TRPM3: variants seen among roughly 807,000 people sequenced by gnomAD.
The protein encoded by TRPM3 is transient receptor potential cation channel subfamily M member 3.
TRPM3 carries 77 observed loss-of-function variants against 181.2 expected under a neutral mutation model. That is an observed-to-expected ratio of 0.42 (90% CI 0.35 to 0.51). The LOEUF (loss-of-function observed/expected upper bound fraction) is 0.51, where lower values mean the gene tolerates loss of function less well. TRPM3 is among the 20% of genes least tolerant of loss of function. The pLI, the probability that TRPM3 is intolerant of heterozygous loss-of-function variation, is 0.01. For synonymous variants in TRPM3, 745 were observed against 796.4 expected (o/e 0.94, Z 1.09); for missense variants, 1,759 against 2,196.7 (o/e 0.80, Z 3.98).
chr9:71,069,445 G>A (rs896303726), intron 1 of TRPM3, among the ~76,000 whole-genome samples: 1 of 152,102 alleles, frequency 6.6e-6, no homozygotes, highest in Admixed American at 6.5e-5. Context: ...CCAAAGTGCT[G>A]GGATTACAGG....
At chr9:70,566,376 G>A (rs546589052) in intron 22 of TRPM3, among the ~76,000 whole-genome samples, 1 of 152,216 alleles carries the variant, frequency 6.6e-6, no homozygotes, top group Admixed American at 6.5e-5. Context: ...AGCACAAGAA[G>A]GTCCCTGGTC....
At chr9:71,226,113 TTTAAAATAATGGG>T (rs1565360925) in intron 1 of TRPM3, among the ~76,000 whole-genome samples, 2 of 135,258 alleles carry the variant, frequency 1.5e-5, no homozygotes, top group Non-Finnish European at 3.3e-5. Flanking sequence ...TCATCATCAG[TTTAAAATAATGGG>T]TTATAAAATA....
intron 1 of TRPM3, among the ~76,000 whole-genome samples, chr9:71,109,780 A>C (rs189890918): frequency 4.7e-4 from 72 of 152,288 alleles, no homozygotes; most frequent in Non-Finnish European, 9.4e-4. Flanking sequence ...GTTTGGAATT[A>C]GAAAAGTCCT....
At chr9:71,180,917 T>C (rs767951910) in intron 1 of TRPM3, among the ~76,000 whole-genome samples, 24 of 152,132 alleles carry the variant, frequency 1.6e-4, no homozygotes. Flanking sequence ...ACAGGTACTA[T>C]TTTAAGTGTT....
At chr9:70,848,850 G>T (rs2095098761) in intron 3 of TRPM3, among the ~76,000 whole-genome samples, 1 of 86,386 alleles carries the variant, frequency 1.2e-5, no homozygotes, top group Non-Finnish European at 2.5e-5. Context: ...GGTAGCGGGC[G>T]CCTGTAGTCC....
intron 1 of TRPM3, among the ~76,000 whole-genome samples, chr9:70,891,030 G>T (rs2096193444): frequency 6.6e-6 from 1 of 151,926 alleles, no homozygotes; most frequent in Admixed American, 6.6e-5. Context: ...GTGGGGTGGG[G>T]AGAGGGGGGA....
chr9:71,201,524 A>G (rs974939302), intron 1 of TRPM3, among the ~76,000 whole-genome samples: 19 of 152,068 alleles, frequency 1.2e-4, no homozygotes, highest in Non-Finnish European at 2.5e-4. Context: ...TCAGACGTAG[A>G]TTTGGTCTTT....
At chr9:70,953,838 T>C (rs988438895) in intron 1 of TRPM3, among the ~76,000 whole-genome samples, 2 of 152,124 alleles carry the variant, frequency 1.3e-5, no homozygotes, top group African/African-American at 4.8e-5. Flanking sequence ...ACCTTGTACC[T>C]CTTGGCCAAG....
chr9:70,878,321 C>A (rs769975258), intron 1 of TRPM3, among the ~76,000 whole-genome samples: 1 of 151,990 alleles, frequency 6.6e-6, no homozygotes, highest in Non-Finnish European at 1.5e-5. Context: ...TCATTAAAGT[C>A]GATGCTACCT....
At chr9:71,090,307 A>G (rs1161731095) in intron 1 of TRPM3, among the ~76,000 whole-genome samples, 2 of 152,330 alleles carry the variant, frequency 1.3e-5, no homozygotes, top group African/African-American at 4.8e-5. Context: ...GCCAAGGGAC[A>G]GTTGCTAAGA....
At chr9:70,575,886 A>T (rs1227022544) in intron 22 of TRPM3, among the ~76,000 whole-genome samples, 1 of 152,202 alleles carries the variant, frequency 6.6e-6, no homozygotes, top group Non-Finnish European at 1.5e-5. Flanking sequence ...CTCCATAACT[A>T]TAAACTGTGG....
Position 70,537,339 on chromosome 9 carries a change from G to A in TRPM3, c.3774C>T (p.Leu1258=). The A allele has an allele frequency of 6.6e-7, 1 of 1,515,758 alleles. No individual in the cohort carries two copies. Among genetic ancestry groups the A allele is most frequent in the Non-Finnish European group, 8.8e-7 (1 of 1,130,492 alleles). 93.9% of individuals were successfully genotyped at this position (1,515,758 alleles called of 1,614,324 possible). A position where few individuals can be genotyped will look rare whatever the true frequency, so the allele number is the denominator to read the frequency against. Residue 1258 remains leucine, a synonymous_variant, in exon 26 of 26, where the codon CTC becomes CTT. Coordinates refer to ENST00000677713, the MANE Select transcript of TRPM3 (RefSeq NM_001366145.2). ...GCGCCAGCCGGATGTCCACGGTCTG[G>A]AGTGAAGCCTTCATGGAGTGCTCTC... ...NEREHSMKAS[L]QTVDIRLAQL... is the part of the protein sequence containing the mutation.
At chr9:70,747,310 A>C (rs1443076825) in intron 8 of TRPM3, among the ~76,000 whole-genome samples, 1 of 152,184 alleles carries the variant, frequency 6.6e-6, no homozygotes, top group African/African-American at 2.4e-5. Context: ...GTGTGTGTAC[A>C]CATGCAAATG....
chr9:70,856,450 G>A (rs1391684349), intron 3 of TRPM3, among the ~76,000 whole-genome samples: 3 of 152,188 alleles, frequency 2.0e-5, no homozygotes, highest in Non-Finnish European at 4.4e-5. Context: ...TTCCTACTTG[G>A]TGTGTGCCAA....
intron 1 of TRPM3, among the ~76,000 whole-genome samples, chr9:71,349,935 C>T (rs1688935210): frequency 6.7e-6 from 1 of 150,036 alleles, no homozygotes; most frequent in Non-Finnish European, 1.5e-5. Flanking sequence ...TATATATAGA[C>T]ACTCCATCAT....
intron 1 of TRPM3, among the ~76,000 whole-genome samples, chr9:71,241,777 CA>C (rs1565376298): frequency 2.6e-5 from 4 of 151,686 alleles, no homozygotes; most frequent in Admixed American, 6.6e-5. Context: ...ACTCATCCTG[CA>C]AAAAAAATCA....
At chr9:71,005,708 T>C (rs898321756) in intron 1 of TRPM3, among the ~76,000 whole-genome samples, 1 of 152,008 alleles carries the variant, frequency 6.6e-6, no homozygotes, top group Non-Finnish European at 1.5e-5. Flanking sequence ...AAATAAAAAG[T>C]TTCCCAGACA....
intron 1 of TRPM3, among the ~76,000 whole-genome samples, chr9:71,376,917 T>C (rs1042078623): frequency 6.6e-6 from 1 of 152,092 alleles, no homozygotes; most frequent in Non-Finnish European, 1.5e-5. Flanking sequence ...TCAGCTCTCT[T>C]ACTGCACATT....
chr9:70,642,348 C>T (rs1201569999), intron 9 of TRPM3, among the ~76,000 whole-genome samples: 3 of 152,082 alleles, frequency 2.0e-5, no homozygotes, highest in African/African-American at 7.2e-5. Context: ...AGAGTCAGAT[C>T]CAGAGAATTC....
Sources: allele counts gnomAD v4.1 joint callset (sites outside exome capture counted in the v4.1 genomes callset), GRCh38; gene constraint gnomAD v4.1.1; transcripts MANE v1.5; gene names NCBI Gene and HGNC (gene_info 2026-07-23, HGNC 2026-07-21).